NCR1: variants seen among roughly 807,000 people sequenced by gnomAD.
NCR1 encodes natural cytotoxicity triggering receptor 1.
In NCR1, 30 loss-of-function variants were observed where a neutral mutation model predicts 32.5. The ratio of observed to expected loss-of-function variants is 0.92; its 90% CI spans 0.69 to 1.25. The LOEUF (loss-of-function observed/expected upper bound fraction) is 1.25, where lower values mean the gene tolerates loss of function less well. Among genes scored for constraint, NCR1 ranks in the 50% most tolerant of loss-of-function variants. The pLI is 0.00. For missense variants in NCR1, 369 were observed against 380.7 expected, an observed-to-expected ratio of 0.97 and a Z score of 0.26; for synonymous variants, 169 against 143.4, an observed-to-expected ratio of 1.18 and a Z score of -1.28.
At chr19:54,934,397 C>T in the NCR1 span, 1 of 1,315,324 alleles carries the variant, frequency 7.6e-7, no homozygotes, top group Non-Finnish European at 1.1e-6. The surrounding 1 kb of genome is among the most constrained non-coding windows in gnomAD (Gnocchi z 6.7). Context: ...GCAAGAGGCG[C>T]CACGTGGGTG....
At chr19:54,929,716 C>T in the NCR1 span, among the ~76,000 whole-genome samples, 1 of 152,146 alleles carries the variant, frequency 6.6e-6, no homozygotes, top group Non-Finnish European at 1.5e-5. Context: ...TTCACTTCTC[C>T]AGGCCCTCTA....
At chr19:54,906,833 G>C (rs765156636) in intron 3 of NCR1, 26 bp downstream of exon 3, 35 of 1,610,496 alleles carry the variant, frequency 2.2e-5, no homozygotes, top group Non-Finnish European at 2.9e-5. Flanking sequence ...TCTAACTGGA[G>C]AGTGATCTCA....
the NCR1 span, chr19:54,934,594 T>G: frequency 1.2e-6 from 2 of 1,613,980 alleles, no homozygotes; most frequent in South Asian, 1.1e-5. The surrounding 1 kb of genome is among the most constrained non-coding windows in gnomAD (Gnocchi z 6.7). Context: ...CTTCAGGGAC[T>G]GGTTGGCTTT....
the NCR1 span, among the ~76,000 whole-genome samples, chr19:54,926,915 TTAA>T: frequency 0.034 from 4,492 of 130,782 alleles, 222 homozygotes; most frequent in East Asian, 0.14. Flanking sequence ...GACTCTGTCT[TTAA>T]AAAAAAAAAA....
chr19:54,903,913 G>T (rs587658994), upstream of NCR1, among the ~76,000 whole-genome samples: 1 of 151,526 alleles, frequency 6.6e-6, no homozygotes, highest in Non-Finnish European at 1.5e-5. Context: ...TTCACTTGAG[G>T]TGAGGAGTTG....
chr19:54,908,205 GC>G (rs1222186847), intron 3 of NCR1, among the ~76,000 whole-genome samples: 2 of 152,066 alleles, frequency 1.3e-5, no homozygotes, highest in Non-Finnish European at 2.9e-5. Flanking sequence ...GGAGCATGCT[GC>G]CTTCAAGCAT....
chr19:54,909,607 G>A (rs587756177), intron 4 of NCR1, 84 bp downstream of exon 4: 58 of 1,474,434 alleles, frequency 3.9e-5, no homozygotes, highest in Non-Finnish European at 5.2e-5. Flanking sequence ...TGATGGGGAG[G>A]GTGTCCAAGG....
chr19:54,935,238 T>A, the NCR1 span, among the ~76,000 whole-genome samples: 4 of 151,334 alleles, frequency 2.6e-5, no homozygotes, highest in African/African-American at 9.7e-5. Flanking sequence ...GAAAAAAAAA[T>A]TTTTTTTTTG....
chr19:54,902,475 AT>A (rs747311653), upstream of NCR1, among the ~76,000 whole-genome samples: 88 of 150,228 alleles, frequency 5.9e-4, 1 homozygote, highest in South Asian at 3.0e-3. Context: ...TAATTTTTGC[AT>A]TTTTTTTTCC....
intron 2 of NCR1, 48 bp from the exon 3 acceptor site, chr19:54,906,475 T>G (rs2067618112): frequency 6.3e-7 from 1 of 1,599,500 alleles, no homozygotes. Context: ...AGCCTAAGGT[T>G]GGGGGGAGGG....
chr19:54,909,178 G>GA (rs371538113), intron 3 of NCR1, 67 bp from the exon 4 acceptor site: 66,125 of 1,054,848 alleles, frequency 0.063, 134 homozygotes, highest in South Asian at 0.091. Context: ...TCTAAAGAAA[G>GA]AAAAAAAAAA....
At chr19:54,936,274 G>C in the NCR1 span, 1 of 1,613,360 alleles carries the variant, frequency 6.2e-7, no homozygotes, top group South Asian at 1.1e-5. Flanking sequence ...AGGTACTGCA[G>C]GTTGCATTTA....
chr19:54,931,149 C>T, the NCR1 span, among the ~76,000 whole-genome samples: 1 of 152,166 alleles, frequency 6.6e-6, no homozygotes. Context: ...ATGGGCCGGG[C>T]ACAGTGGCTC....
In NCR1 at chr19:54,909,454, C is replaced by T. The variant is rs1470728864; in HGVS notation, c.565C>T (p.Arg189Ter). The T allele has an allele frequency of 1.9e-6, 3 of 1,612,442 alleles. No individual in the cohort carries two copies. Among genetic ancestry groups the T allele is most frequent in the East Asian group, 2.2e-5 (1 of 44,876 alleles). Residue 189 changes from arginine to a stop codon, truncating the protein, a stop_gained, in exon 4 of 7, where the codon CGA (arginine) becomes TGA (stop). Transcript: ENST00000291890. LOFTEE classifies it high-confidence loss of function. ...PVTTAHRGTY[R>*]CFGSYNNHAW... ...GACCACAGCCCACAGAGGGACATACCGATGTTTTGGCTCCTATAACAACCA... is the reference window on the plus strand; with the variant it reads ...GACCACAGCCCACAGAGGGACATACTGATGTTTTGGCTCCTATAACAACCA...
At chr19:54,933,224 C>CA in the NCR1 span, among the ~76,000 whole-genome samples, 3 of 152,152 alleles carry the variant, frequency 2.0e-5, no homozygotes, top group African/African-American at 7.2e-5. Context: ...CGGCTCACTG[C>CA]AACCTCCGCC....
chr19:54,931,281 G>A, the NCR1 span, among the ~76,000 whole-genome samples: 45,628 of 151,668 alleles, frequency 0.3, 7,178 homozygotes, highest in East Asian at 0.41. Flanking sequence ...AAATCGGGCC[G>A]GGCGCGGTGG....
Position 54,906,532 on chromosome 19 carries a change from C to T in NCR1, c.80C>T (p.Pro27Leu). 6.2e-7 allele frequency: 1 copy of T among 1,607,644 alleles called. No homozygotes were observed. The highest frequency in any genetic ancestry group is 8.5e-7 in the Non-Finnish European group (1 of 1,179,944). ...QRISAQQQTL[P>L]KPFIWAEPHF... ...TCTGATTCCCTTCCAGAGACTCTCC[C>T]AAAACCGTTCATCTGGGCCGAGCCC... The change falls in exon 3 of 7, where the codon CCA becomes CTA. Residue 27 changes from proline (P) to leucine (L), a missense_variant. By Grantham distance (98) the Pro-to-Leu change is moderately conservative. Coordinates refer to ENST00000291890, the MANE Select transcript of NCR1 (RefSeq NM_004829.7).
At chr19:54,928,079 G>A in the NCR1 span, among the ~76,000 whole-genome samples, 1 of 152,112 alleles carries the variant, frequency 6.6e-6, no homozygotes, top group Non-Finnish European at 1.5e-5. Context: ...AATTAGCCAT[G>A]CATGGTGGTG....
chr19:54,926,062 C>CAA, the NCR1 span, among the ~76,000 whole-genome samples: 11 of 149,598 alleles, frequency 7.4e-5, no homozygotes, highest in South Asian at 2.1e-4. Context: ...GACTCCGTCT[C>CAA]AAAAAAAAAT....
Sources: allele counts gnomAD v4.1 joint callset (sites outside exome capture counted in the v4.1 genomes callset), GRCh38; gene constraint gnomAD v4.1.1; non-coding constraint Gnocchi (gnomAD v3.1); transcripts MANE v1.5; gene names NCBI Gene and HGNC (gene_info 2026-07-23, HGNC 2026-07-21).